Variants in KREMEN1 observed in about 807,000 individuals in gnomAD.
The protein encoded by KREMEN1 is kringle containing transmembrane protein 1, also known as kremen protein 1.
KREMEN1 carries 30 observed loss-of-function variants against 46.5 expected under a neutral mutation model. The observed-to-expected ratio is 0.65, with a 90% confidence interval of 0.48 to 0.88. KREMEN1 has a LOEUF of 0.88. KREMEN1 is among the 40% of genes least tolerant of loss of function. KREMEN1 has a pLI of 0.00. For missense variants in KREMEN1, 533 were observed against 596.9 expected, an observed-to-expected ratio of 0.89 and a Z score of 1.11; for synonymous variants, 214 against 230.6, an observed-to-expected ratio of 0.93 and a Z score of 0.65.
At chr22:29,076,549 C>T (rs1478277962) in intron 1 of KREMEN1, among the ~76,000 whole-genome samples, 1 of 152,184 alleles carries the variant, frequency 6.6e-6, no homozygotes, top group African/African-American at 2.4e-5. Context: ...AGTCCCTAGA[C>T]AAACCATTTA....
Position 29,143,727 on chromosome 22 carries a change from G to A in KREMEN1, c.*1615G>A. The A allele has an allele frequency of 1.3e-5, 13 of 978,920 alleles. No homozygotes were observed. The highest frequency in any genetic ancestry group is 1.6e-5 in the Non-Finnish European group (13 of 825,468). 60.6% of individuals were successfully genotyped at this position (978,920 alleles called of 1,614,324 possible). ...ACTGCACTCCAGCCTGGGTGACAGTGCAAGACTCTGTCTCAAAAAAAAAAA... is the reference window on the plus strand; with the variant it reads ...ACTGCACTCCAGCCTGGGTGACAGTACAAGACTCTGTCTCAAAAAAAAAAA... On this transcript the variant is annotated 3_prime_UTR_variant, in exon 9 of 9. Coordinates refer to ENST00000400335, the MANE Select transcript of KREMEN1 (RefSeq NM_001039570.3).
chr22:29,143,840 C>T lies in KREMEN1; in HGVS notation c.*1728C>T, dbSNP rs150810838. ...TGGCTCAGTGGGGAAGGAGAGCACTCTTGTCCCCAGTCCCTTGCCACCCTG... is the reference window on the plus strand; with the variant it reads ...TGGCTCAGTGGGGAAGGAGAGCACTTTTGTCCCCAGTCCCTTGCCACCCTG... On this transcript the variant is annotated 3_prime_UTR_variant, in exon 9 of 9. Coordinates refer to ENST00000400335, the MANE Select transcript of KREMEN1 (RefSeq NM_001039570.3). 415 of 985,386 alleles carry T rather than the reference C, an allele frequency of 4.2e-4. 2 individuals are homozygous for T. The African/African-American group carries it at 7.0e-3, about 17-fold the overall frequency. The allele number at this position is 985,386 out of a possible 1,614,324, so 61.0% of individuals were successfully genotyped here.
At chr22:29,137,065 C>T (rs2038671666) in intron 5 of KREMEN1, among the ~76,000 whole-genome samples, 1 of 152,220 alleles carries the variant, frequency 6.6e-6, no homozygotes, top group South Asian at 2.1e-4. Context: ...TTGGCCCTGC[C>T]AGTCCCAAGT....
At chr22:29,080,139 C>A (rs1272443944) in intron 1 of KREMEN1, among the ~76,000 whole-genome samples, 1 of 152,220 alleles carries the variant, frequency 6.6e-6, no homozygotes, top group Admixed American at 6.5e-5. Flanking sequence ...TTTCCCCTTC[C>A]CTTTCCCCAG....
intron 4 of KREMEN1, among the ~76,000 whole-genome samples, chr22:29,123,027 T>C (rs1210194145): frequency 6.7e-6 from 1 of 148,896 alleles, no homozygotes; most frequent in Non-Finnish European, 1.5e-5. Context: ...TGAAAGAACT[T>C]AAACACAAGA....
chr22:29,133,557 T>G (rs530208953), intron 5 of KREMEN1, among the ~76,000 whole-genome samples: 1 of 152,290 alleles, frequency 6.6e-6, no homozygotes, highest in African/African-American at 2.4e-5. Context: ...TGCCTTAACC[T>G]CCCAAAGTGC....
Position 29,143,922 on chromosome 22 carries a change from G to A in KREMEN1, c.*1810G>A, listed in dbSNP as rs1348216868. 3.0e-6 allele frequency: 3 copies of A among 985,342 alleles called. No homozygotes were observed. The highest frequency in any genetic ancestry group is 3.6e-6 in the Non-Finnish European group (3 of 829,976). 61.0% of individuals were successfully genotyped at this position (985,342 alleles called of 1,614,324 possible). A position where few individuals can be genotyped will look rare whatever the true frequency, so the allele number is the denominator to read the frequency against. ...TGGTGCCAGAAGAGGGTGGGTTTGG[G>A]AATTGGAGCTCCTCCAAGGAGCTCC... is the stretch of plus-strand genomic sequence containing the variant. On this transcript the variant is annotated 3_prime_UTR_variant, in exon 9 of 9. Transcript: ENST00000400335.
At chr22:29,161,941 C>A (rs1482199277) in intron 9 of KREMEN1, among the ~76,000 whole-genome samples, 1 of 151,916 alleles carries the variant, frequency 6.6e-6, no homozygotes. Context: ...CATGGCGAAA[C>A]CCCATCTCTA....
chr22:29,135,254 C>T (rs976065860), intron 5 of KREMEN1, among the ~76,000 whole-genome samples: 1 of 152,082 alleles, frequency 6.6e-6, no homozygotes, highest in Admixed American at 6.5e-5. Context: ...TGAATCTTCA[C>T]CTGGTTACTT....
intron 3 of KREMEN1, among the ~76,000 whole-genome samples, chr22:29,114,114 G>A (rs574437394): frequency 2.0e-5 from 3 of 151,934 alleles, no homozygotes; most frequent in Non-Finnish European, 2.9e-5. Flanking sequence ...TTGGAGATGA[G>A]GCCCTTGGGG....
chr22:29,138,125 A>G (rs541295581), intron 6 of KREMEN1, among the ~76,000 whole-genome samples: 1 of 152,366 alleles, frequency 6.6e-6, no homozygotes, highest in African/African-American at 2.4e-5. Context: ...ATGTGAGCAC[A>G]TGTGTGCCGG....
At chr22:29,155,719 G>C (rs557208150) in intron 9 of KREMEN1, among the ~76,000 whole-genome samples, 2 of 152,134 alleles carry the variant, frequency 1.3e-5, no homozygotes, top group African/African-American at 4.8e-5. Context: ...AGCACTTTGA[G>C]AGGCCAAGGC....
rs1408323091 is a variant in KREMEN1, at chr22:29,145,044, G to A, written c.*2932G>A. 1 of 985,368 alleles carries A rather than the reference G, an allele frequency of 1.0e-6. No homozygotes were observed. The highest frequency in any genetic ancestry group is 1.2e-6 in the Non-Finnish European group (1 of 829,984). 61.0% of individuals were successfully genotyped at this position (985,368 alleles called of 1,614,324 possible). A position where few individuals can be genotyped will look rare whatever the true frequency, so the allele number is the denominator to read the frequency against. On this transcript the variant is annotated 3_prime_UTR_variant, in exon 9 of 9. Transcript: ENST00000400335. ...GCAGGAGGGCTGTAAATCATCCCAG[G>A]CTAAGCCTCCGTGGGCACTGGCTCC...
At chr22:29,134,901 C>G (rs745675764) in intron 5 of KREMEN1, among the ~76,000 whole-genome samples, 1 of 152,190 alleles carries the variant, frequency 6.6e-6, no homozygotes, top group African/African-American at 2.4e-5. Flanking sequence ...TCTCCACCCT[C>G]TTTCCCTCCC....
intron 1 of KREMEN1, among the ~76,000 whole-genome samples, chr22:29,083,540 A>G (rs1452426057): frequency 6.6e-6 from 1 of 152,248 alleles, no homozygotes; most frequent in Non-Finnish European, 1.5e-5. Flanking sequence ...TGCATAAGAA[A>G]GAATTCAGGG....
intron 3 of KREMEN1, among the ~76,000 whole-genome samples, chr22:29,119,804 T>G (rs1215200545): frequency 6.6e-6 from 1 of 152,254 alleles, no homozygotes; most frequent in African/African-American, 2.4e-5. Context: ...GGCTGAAGAA[T>G]GGCCCTCCAA....
At chr22:29,125,020 T>A (rs2038417858) in intron 4 of KREMEN1, among the ~76,000 whole-genome samples, 1 of 152,150 alleles carries the variant, frequency 6.6e-6, no homozygotes, top group Admixed American at 6.5e-5. Flanking sequence ...CTTACTGAAG[T>A]GCAGTAGAAA....
At chr22:29,089,826 G>A (rs112190382) in intron 1 of KREMEN1, among the ~76,000 whole-genome samples, 2,756 of 152,246 alleles carry the variant, frequency 0.018, 77 homozygotes, top group African/African-American at 0.063. Flanking sequence ...ATTTGCAGGG[G>A]CTTTGCATTT....
In KREMEN1 at chr22:29,097,646, G is replaced by A. The variant is rs1251495959; in HGVS notation, c.261-1216G>A. Among the ~76,000 whole-genome samples the A allele has an allele frequency of 4.0e-5, 6 of 151,776 alleles. No homozygotes were observed. The South Asian group carries it at 6.3e-4, about 16-fold the overall frequency. ...TGAGACGGAGTTTCGCTCTTGTTAC[G>A]CCTGGCCCAGTGGAGTCTTTATTAA... On this transcript the variant is annotated intron_variant, in intron 2 of 8. Transcript: ENST00000400335.
Sources: allele counts gnomAD v4.1 joint callset (sites outside exome capture counted in the v4.1 genomes callset), GRCh38; gene constraint gnomAD v4.1.1; transcripts MANE v1.5; gene names NCBI Gene and HGNC (gene_info 2026-07-23, HGNC 2026-07-21).